The following PPIL4 variants were observed in gnomAD, a reference collection of about 807,000 sequenced individuals.
PPIL4 encodes peptidylprolyl isomerase like 4.
Under a neutral mutation model 69.1 loss-of-function variants are expected in PPIL4, and 50 were observed. The ratio of observed to expected loss-of-function variants is 0.72; its 90% CI spans 0.58 to 0.92. The LOEUF (loss-of-function observed/expected upper bound fraction) is 0.92, where lower values mean the gene tolerates loss of function less well. PPIL4 is among the 40% of genes least tolerant of loss of function. The pLI is 0.00. For missense variants in PPIL4, 480 were observed against 587.9 expected (o/e 0.82, Z 1.90); for synonymous variants, 193 against 191.6 (o/e 1.01, Z -0.06).
chr6:149,512,770 T>C (rs1776873542), intron 11 of PPIL4, among the ~76,000 whole-genome samples: 1 of 151,964 alleles, frequency 6.6e-6, no homozygotes, highest in Non-Finnish European at 1.5e-5. Flanking sequence ...TGAGACGGAG[T>C]CTTGCCCTGT....
chr6:149,525,924 C>T (rs1777099130), intron 8 of PPIL4, among the ~76,000 whole-genome samples: 1 of 152,064 alleles, frequency 6.6e-6, no homozygotes, highest in Non-Finnish European at 1.5e-5. Flanking sequence ...TATGGTGAAA[C>T]CCCGTCTCTA....
At position 149,525,134 on chromosome 6, in the gene PPIL4, A is replaced by T; in HGVS notation, c.870+9T>A. On this transcript the variant is annotated intron_variant, in intron 9 of 12. Coordinates refer to ENST00000253329, the MANE Select transcript of PPIL4 (RefSeq NM_139126.4). ...TAAATACCAAACTTATGTCTGTATT[A>T]TGACATACCTTTTCAAATTCAATAA... 7.1e-7 allele frequency: 1 copy of T among 1,415,980 alleles called. No homozygotes were observed. The highest frequency in any genetic ancestry group is 9.8e-7 in the Non-Finnish European group (1 of 1,017,464). 87.7% of individuals were successfully genotyped at this position (1,415,980 alleles called of 1,614,324 possible).
intron 9 of PPIL4, 31 bp downstream of exon 9, chr6:149,525,112 A>G (rs1273558020): frequency 6.8e-6 from 8 of 1,175,022 alleles, no homozygotes; most frequent in Non-Finnish European, 9.8e-6. Flanking sequence ...AAGCAAATAA[A>G]TACCAAACTT....
At chr6:149,541,758 G>A (rs973455694) in intron 1 of PPIL4, among the ~76,000 whole-genome samples, 172 bp from the exon 2 acceptor site, 5 of 152,106 alleles carry the variant, frequency 3.3e-5, no homozygotes, top group Admixed American at 1.3e-4. Flanking sequence ...ACCTGTAATC[G>A]CAGCGCTTTG....
chr6:149,534,567 A>C lies in PPIL4; in HGVS notation c.561+111T>G, dbSNP rs1777245408. On this transcript the variant is annotated intron_variant, in intron 6 of 12. Coordinates refer to ENST00000253329, the MANE Select transcript of PPIL4 (RefSeq NM_139126.4). ...AAAGAACTCCAAACTTGTTGAATAT[A>C]ATTAAGCAAGATAATAATTCGGAAA... is the stretch of plus-strand genomic sequence containing the variant. 1.7e-5 allele frequency: 10 copies of C among 596,062 alleles called. No homozygotes were observed. In the South Asian group the frequency reaches 1.7e-4, roughly 10 times the overall value. 36.9% of individuals were successfully genotyped at this position (596,062 alleles called of 1,614,324 possible).
At chr6:149,538,762 G>A (rs1202812541) in intron 4 of PPIL4, among the ~76,000 whole-genome samples, 1 of 152,186 alleles carries the variant, frequency 6.6e-6, no homozygotes, top group Non-Finnish European at 1.5e-5. Context: ...AGAGCCTGAA[G>A]ATGGGACTGA....
In PPIL4 at chr6:149,512,280, CTAATA is replaced by C; in HGVS notation, c.1097_1101del (p.Ile366ArgfsTer2). 6 of 1,612,518 alleles carry C rather than the reference CTAATA, an allele frequency of 3.7e-6. No homozygotes were observed. Among genetic ancestry groups the C allele is most frequent in the Non-Finnish European group, 5.1e-6 (6 of 1,178,992 alleles). On this transcript the variant is annotated frameshift_variant, in exon 12 of 13. Transcript: ENST00000253329. LOFTEE classifies it high-confidence loss of function. The stretch of plus-strand genomic sequence containing the variant: ...GATTTTGAGTCTTCGGCCTGCTCAT[CTAATA>C]TAAGATCGTATTTTGTACTGCAGTA...
chr6:149,523,472 C>G (rs1178281441), intron 9 of PPIL4, among the ~76,000 whole-genome samples: 1 of 152,146 alleles, frequency 6.6e-6, no homozygotes, highest in Non-Finnish European at 1.5e-5. Flanking sequence ...AGGTGGATCA[C>G]TTAAGGTCAA....
At chr6:149,507,467 T>C (rs1311696682) in intron 12 of PPIL4, among the ~76,000 whole-genome samples, 1 of 152,210 alleles carries the variant, frequency 6.6e-6, no homozygotes, top group African/African-American at 2.4e-5. Flanking sequence ...ATAAAAGAAT[T>C]TTTGTGCTTC....
chr6:149,523,389 A>G (rs1039364670), intron 9 of PPIL4, among the ~76,000 whole-genome samples: 1 of 152,168 alleles, frequency 6.6e-6, no homozygotes, highest in Non-Finnish European at 1.5e-5. Context: ...GAATCCTTAG[A>G]GATCAATAAA....
rs115247701 is a variant in PPIL4 at position 149,505,085 on chromosome 6, G to A, written c.*368C>T. ...GGCCTTAGGGAACTTCTAAAATGTC[G>A]ACAACATCTGTATCTTAAGCTGGCT... On this transcript the variant is annotated 3_prime_UTR_variant, in exon 13 of 13. Transcript: ENST00000253329. 2,349 of 156,580 alleles carry A rather than the reference G, an allele frequency of 0.015. 65 individuals carry two copies. Among genetic ancestry groups the A allele is most frequent in the African/African-American group, 0.054 (2,240 of 41,520 alleles). The allele number at this position is 156,580 out of a possible 1,614,324, so 9.7% of individuals were successfully genotyped here. A position where few individuals can be genotyped will look rare whatever the true frequency, so the allele number is the denominator to read the frequency against.
chr6:149,535,358 A>C (rs1447664440), intron 5 of PPIL4, among the ~76,000 whole-genome samples: 1 of 152,224 alleles, frequency 6.6e-6, no homozygotes, highest in Non-Finnish European at 1.5e-5. Flanking sequence ...TCCGTCTCAA[A>C]AAATAAATAA....
intron 1 of PPIL4, 96 bp downstream of exon 1, chr6:149,545,840 C>T: frequency 8.5e-7 from 1 of 1,179,664 alleles, no homozygotes. Flanking sequence ...GAAGCTCGAG[C>T]TCTAGCCAAT....
chr6:149,505,386 C>T lies in PPIL4; in HGVS notation c.*67G>A. 1 of 1,474,116 alleles carries T rather than the reference C, an allele frequency of 6.8e-7. No homozygotes were observed. The highest frequency in any genetic ancestry group is 9.2e-7 in the Non-Finnish European group (1 of 1,089,590). 91.3% of individuals were successfully genotyped at this position (1,474,116 alleles called of 1,614,324 possible). On this transcript the variant is annotated 3_prime_UTR_variant, in exon 13 of 13. Transcript: ENST00000253329. ...CTTTGACACAAAATCTAAGCATCTGCTTTCCTGGCACTCTTAAGTTAGACA... is the reference window on the plus strand; with the variant it reads ...CTTTGACACAAAATCTAAGCATCTGTTTTCCTGGCACTCTTAAGTTAGACA...
At position 149,505,193 on chromosome 6, in the gene PPIL4, AAAG is replaced by A. The variant is rs1344069708; in HGVS notation, c.*257_*259del. 1.2e-5 allele frequency: 4 copies of A among 337,000 alleles called. No individual in the cohort carries two copies. Among genetic ancestry groups the A allele is most frequent in the East Asian group, 1.2e-4 (2 of 17,170 alleles). The allele number at this position is 337,000 out of a possible 1,614,324, so 20.9% of individuals were successfully genotyped here. On this transcript the variant is annotated 3_prime_UTR_variant, in exon 13 of 13. Transcript: ENST00000253329. ...TGTAGTATGAAATACTTCATTAAAAAAAGAGTGAAAATGTAAGACTTCAAAAAT... is the reference window on the plus strand; with the variant it reads ...TGTAGTATGAAATACTTCATTAAAAAAGTGAAAATGTAAGACTTCAAAAAT...
intron 12 of PPIL4, among the ~76,000 whole-genome samples, chr6:149,508,665 C>T (rs1482033455): frequency 6.6e-6 from 1 of 152,144 alleles, no homozygotes. Flanking sequence ...CAGTGGAAAA[C>T]TGACAACCAG....
chr6:149,530,674 A>C (rs530821913), intron 7 of PPIL4, among the ~76,000 whole-genome samples: 3 of 151,654 alleles, frequency 2.0e-5, no homozygotes, highest in African/African-American at 2.4e-5. Flanking sequence ...AAAAAAAAGA[A>C]GGGAGGGCTC....
chr6:149,532,130 G>GA (rs1380352704), intron 7 of PPIL4, among the ~76,000 whole-genome samples: 5 of 151,926 alleles, frequency 3.3e-5, no homozygotes, highest in South Asian at 4.1e-4. Flanking sequence ...AAATAGTCGA[G>GA]AAAAAAAATG....
At chr6:149,507,731 G>GA in intron 12 of PPIL4, among the ~76,000 whole-genome samples, 1 of 152,274 alleles carries the variant, frequency 6.6e-6, no homozygotes, top group East Asian at 1.9e-4. Context: ...GAATTGGACT[G>GA]AAACTTTAAA....
Sources: gnomAD v4.1 joint callset for allele counts (sites outside exome capture counted in the v4.1 genomes callset) on GRCh38, gnomAD v4.1.1 for gene constraint, MANE v1.5 for transcripts, NCBI Gene and HGNC (gene_info 2026-07-23, HGNC 2026-07-21) for gene names.